Variants in DOCK3 observed in about 807,000 individuals in gnomAD.
DOCK3 encodes dedicator of cytokinesis 3.
DOCK3 carries 60 observed loss-of-function variants against 265.6 expected under a neutral mutation model. The observed-to-expected ratio is 0.23, with a 90% confidence interval of 0.18 to 0.28. DOCK3 has a LOEUF of 0.28. Among genes scored for constraint, DOCK3 ranks in the 10% least tolerant of loss-of-function variants. DOCK3 has a pLI of 1.00. For missense variants in DOCK3, 1,981 were observed against 2,594.3 expected (o/e 0.76, Z 5.14); for synonymous variants, 881 against 938.0 (o/e 0.94, Z 1.11).
chr3:51,053,092 T>TATATATATATATATATATAG (rs2081060668), intron 5 of DOCK3, among the ~76,000 whole-genome samples: 9 of 77,658 alleles, frequency 1.2e-4, no homozygotes, highest in Non-Finnish European at 2.4e-4. Context: ...TATATATATA[T>TATATATATATATATATATAG]ATATATATAT....
chr3:51,033,743 A>G (rs756801698), intron 5 of DOCK3, among the ~76,000 whole-genome samples: 1 of 152,158 alleles, frequency 6.6e-6, no homozygotes, highest in African/African-American at 2.4e-5. Flanking sequence ...CATGAACAAG[A>G]TTAATTTTTT....
In DOCK3 at chr3:51,381,817, A is replaced by C; in HGVS notation, c.*258A>C. 2.2e-5 allele frequency: 9 copies of C among 402,842 alleles called. No homozygotes were observed. Among genetic ancestry groups the C allele is most frequent in the Non-Finnish European group, 1.8e-5 (4 of 227,486 alleles). 25.0% of individuals were successfully genotyped at this position (402,842 alleles called of 1,614,324 possible). On this transcript the variant is annotated 3_prime_UTR_variant, in exon 53 of 53. Transcript: ENST00000266037. This position sits in a 1 kb window ranked among gnomAD's most constrained non-coding sequence, Gnocchi z 5.6. ...CTATGGGTTTTCCTTTCTTTCCTTTATGCAGTAGATGCTTTCTTCCTCCTG... is the reference window on the plus strand; with the variant it reads ...CTATGGGTTTTCCTTTCTTTCCTTTCTGCAGTAGATGCTTTCTTCCTCCTG...
intron 12 of DOCK3, among the ~76,000 whole-genome samples, chr3:51,196,271 C>G (rs909595889): frequency 6.6e-6 from 1 of 152,006 alleles, no homozygotes; most frequent in Non-Finnish European, 1.5e-5. Context: ...ATATATTATC[C>G]CATTCTCTTC....
intron 12 of DOCK3, among the ~76,000 whole-genome samples, chr3:51,181,785 G>A (rs975596502): frequency 2.6e-5 from 4 of 152,216 alleles, no homozygotes; most frequent in Middle Eastern, 3.4e-3. Context: ...TCTAACAGGA[G>A]CAGTGAGTAC....
At chr3:50,712,511 T>C (rs1419562929) in intron 1 of DOCK3, among the ~76,000 whole-genome samples, 3 of 152,162 alleles carry the variant, frequency 2.0e-5, no homozygotes, top group Admixed American at 6.5e-5. Flanking sequence ...CTAATTTTTG[T>C]ATCTTTAGTA....
rs531306408 is a variant in DOCK3, at chr3:50,710,749, A to G, written c.37+35449A>G. Reference sequence around the variant, plus strand: ...CAATTTGCAATTGCAAAAATAAGGAACCAGCCTAAATGCCCATTAACCAAT... The same window carrying G: ...CAATTTGCAATTGCAAAAATAAGGAGCCAGCCTAAATGCCCATTAACCAAT... On this transcript the variant is annotated intron_variant, in intron 1 of 52. Coordinates refer to ENST00000266037, the MANE Select transcript of DOCK3 (RefSeq NM_004947.5). Among the ~76,000 whole-genome samples the G allele has an allele frequency of 6.6e-5, 10 of 152,360 alleles. No homozygotes were observed. The South Asian group carries it at 2.1e-3, about 32-fold the overall frequency.
intron 1 of DOCK3, among the ~76,000 whole-genome samples, chr3:50,735,992 C>T (rs2038572878): frequency 6.6e-6 from 1 of 152,094 alleles, no homozygotes; most frequent in South Asian, 2.1e-4. Flanking sequence ...TGTTGGTGTG[C>T]TGCACCCATT....
chr3:51,095,948 C>A (rs370991690), intron 9 of DOCK3, among the ~76,000 whole-genome samples: 2 of 150,674 alleles, frequency 1.3e-5, no homozygotes, highest in African/African-American at 2.4e-5. Context: ...TTGGCCCCCA[C>A]GCTCTCTGGC....
intron 5 of DOCK3, among the ~76,000 whole-genome samples, chr3:50,982,210 T>TA (rs1322513464): frequency 6.6e-6 from 1 of 152,198 alleles, no homozygotes; most frequent in African/African-American, 2.4e-5. Flanking sequence ...GTCATATTTT[T>TA]AAAAAATCCA....
chr3:51,331,095 C>T (rs985257229), intron 33 of DOCK3, among the ~76,000 whole-genome samples: 24 of 152,066 alleles, frequency 1.6e-4, no homozygotes, highest in African/African-American at 5.3e-4. Flanking sequence ...AATTATCTTC[C>T]CTCCCACTTG....
chr3:50,807,249 C>CTTTTTTTTT (rs59370167), intron 2 of DOCK3, among the ~76,000 whole-genome samples: 2 of 144,424 alleles, frequency 1.4e-5, no homozygotes, highest in Non-Finnish European at 1.5e-5. Context: ...CTGCCACGCT[C>CTTTTTTTTT]TTTTTTTTTT....
intron 5 of DOCK3, among the ~76,000 whole-genome samples, chr3:51,045,331 C>T (rs2080726588): frequency 6.6e-6 from 1 of 152,080 alleles, no homozygotes; most frequent in Non-Finnish European, 1.5e-5. Flanking sequence ...ACAATACAGA[C>T]ATTTGCGATT....
chr3:51,018,822 A>C lies in DOCK3; in HGVS notation c.316-45626A>C, dbSNP rs146944828. 1.2e-3 allele frequency among the ~76,000 whole-genome samples: 185 copies of C among 152,026 alleles called. 3 individuals are homozygous for C. Among genetic ancestry groups the C allele is most frequent in the African/African-American group, 3.5e-3 (145 of 41,306 alleles). On this transcript the variant is annotated intron_variant, in intron 5 of 52. Coordinates refer to ENST00000266037, the MANE Select transcript of DOCK3 (RefSeq NM_004947.5). ...GCTCATCCTGTATCTTATTTTGTAA[A>C]GTTCCTATTCTTCTGTTCAGTTTTT... is the stretch of plus-strand genomic sequence containing the variant.
intron 6 of DOCK3, among the ~76,000 whole-genome samples, chr3:51,066,052 G>A (rs924986289): frequency 1.3e-5 from 2 of 152,150 alleles, no homozygotes; most frequent in African/African-American, 4.8e-5. Flanking sequence ...AAAAGAAGTG[G>A]AGAATGTAAT....
In DOCK3 at chr3:51,381,651, G is replaced by A. The variant is rs1326697663; in HGVS notation, c.*92G>A. The A allele has an allele frequency of 2.8e-6, 4 of 1,426,978 alleles. No homozygotes were observed. Among genetic ancestry groups the A allele is most frequent in the Non-Finnish European group, 3.7e-6 (4 of 1,092,932 alleles). 88.4% of individuals were successfully genotyped at this position (1,426,978 alleles called of 1,614,324 possible). ...GCAAGTCCCCCAGCCCCACCCCAGG[G>A]AGCCAGAGAGGCTTGCACTCAGGAG... On this transcript the variant is annotated 3_prime_UTR_variant, in exon 53 of 53. Coordinates refer to ENST00000266037, the MANE Select transcript of DOCK3 (RefSeq NM_004947.5). This position sits in a 1 kb window ranked among gnomAD's most constrained non-coding sequence, Gnocchi z 5.6.
rs151130613 is a variant in DOCK3 at position 50,706,777 on chromosome 3, A to G, written c.37+31477A>G. 2.0e-3 allele frequency among the ~76,000 whole-genome samples: 297 copies of G among 149,580 alleles called. 1 individual carries two copies. Among genetic ancestry groups the G allele is most frequent in the Non-Finnish European group, 2.7e-3 (182 of 67,892 alleles). On this transcript the variant is annotated intron_variant, in intron 1 of 52. Coordinates refer to ENST00000266037, the MANE Select transcript of DOCK3 (RefSeq NM_004947.5). ...CTTGTGTGTCTCATAGGCTTTATCT[A>G]TTCTTTTATATTCTTTTTTTTTTGA...
chr3:51,166,359 T>C (rs1449526871), intron 12 of DOCK3, among the ~76,000 whole-genome samples: 2 of 152,204 alleles, frequency 1.3e-5, no homozygotes, highest in Non-Finnish European at 2.9e-5. Flanking sequence ...CCTATGTATA[T>C]TCTTTATTAT....
intron 21 of DOCK3, 26 bp from the exon 22 acceptor site, chr3:51,246,700 G>T (rs747426634): frequency 6.2e-7 from 1 of 1,605,098 alleles, no homozygotes. Flanking sequence ...TTAAAGTGGG[G>T]TTTCTGGAAC....
chr3:51,056,880 G>A (rs991380033), intron 5 of DOCK3, among the ~76,000 whole-genome samples: 4 of 152,276 alleles, frequency 2.6e-5, no homozygotes, highest in Admixed American at 1.3e-4. Context: ...AGGAAACAAT[G>A]TTTATCTTCC....
Sources: allele counts gnomAD v4.1 joint callset (sites outside exome capture counted in the v4.1 genomes callset), GRCh38; gene constraint gnomAD v4.1.1; non-coding constraint Gnocchi (gnomAD v3.1); transcripts MANE v1.5; gene names NCBI Gene and HGNC (gene_info 2026-07-23, HGNC 2026-07-21).